Variants in FANCC observed in about 807,000 individuals in gnomAD.
FANCC encodes the protein Fanconi anemia group C protein.
A neutral mutation model predicts 71.3 loss-of-function variants in FANCC; 55 were observed. The observed-to-expected ratio is 0.77, with a 90% CI of 0.62 to 0.97. FANCC has a LOEUF of 0.97. Among genes scored for constraint, FANCC ranks in the 50% least tolerant of loss-of-function variants. The probability of loss-of-function intolerance (pLI) is 0.00; values close to 1 mark genes in which losing one functional copy is unlikely to be tolerated. For synonymous variants in FANCC, 275 were observed against 244.9 expected (o/e 1.12, Z -1.15); for missense variants, 678 against 670.9 (o/e 1.01, Z -0.12).
intron 1 of FANCC, among the ~76,000 whole-genome samples, chr9:95,269,847 CACAGAG>C (rs779591341): frequency 7.9e-5 from 12 of 152,090 alleles, no homozygotes; most frequent in Non-Finnish European, 1.2e-4. Context: ...AAGAAAAAGA[CACAGAG>C]ACAAAGTATA....
intron 6 of FANCC, among the ~76,000 whole-genome samples, chr9:95,170,560 T>C (rs544111531): frequency 6.6e-6 from 1 of 152,172 alleles, no homozygotes; most frequent in South Asian, 2.1e-4. Context: ...CTCTTTGATT[T>C]GTTTAGTCTA....
At chr9:95,314,758 T>C (rs1211170989) in intron 1 of FANCC, among the ~76,000 whole-genome samples, 1 of 152,044 alleles carries the variant, frequency 6.6e-6, no homozygotes, top group African/African-American at 2.4e-5. Flanking sequence ...AACTTCAAAA[T>C]TAATTTACAA....
chr9:95,124,519 G>A (rs952423614), intron 10 of FANCC, among the ~76,000 whole-genome samples: 2 of 152,138 alleles, frequency 1.3e-5, no homozygotes, highest in African/African-American at 4.8e-5. Context: ...TACTGACTGT[G>A]TCTAACACAC....
intron 10 of FANCC, chr9:95,123,499 T>G (rs927555810): frequency 2.1e-6 from 1 of 471,590 alleles, no homozygotes; most frequent in Non-Finnish European, 4.2e-6. Context: ...AATTAGTGCT[T>G]CCTCCAGTCC....
At chr9:95,212,485 C>T (rs913983039) in intron 4 of FANCC, among the ~76,000 whole-genome samples, 2 of 151,970 alleles carry the variant, frequency 1.3e-5, no homozygotes, top group African/African-American at 4.8e-5. Context: ...AGAAAAAAAC[C>T]TGTCGAATTA....
rs1031912559 is a variant in FANCC, at chr9:95,270,583, A to C, written c.-78-21214T>G. ...CATACTCTACTAATGCCGCATGGCA[A>C]GGCAAGGAGCAGGCAGCAGTCGCAG... On this transcript the variant is annotated intron_variant, in intron 1 of 14. Transcript: ENST00000289081. 3.3e-5 allele frequency among the ~76,000 whole-genome samples: 5 copies of C among 152,278 alleles called. No individual in the cohort carries two copies. The South Asian group carries it at 8.3e-4, about 25-fold the overall frequency.
At chr9:95,224,492 T>C (rs1348355195) in intron 4 of FANCC, among the ~76,000 whole-genome samples, 1 of 151,986 alleles carries the variant, frequency 6.6e-6, no homozygotes, top group Non-Finnish European at 1.5e-5. Flanking sequence ...TACCATCCTT[T>C]TGAAGATTGG....
chr9:95,168,023 C>T (rs1299277883), intron 6 of FANCC, among the ~76,000 whole-genome samples: 1 of 152,192 alleles, frequency 6.6e-6, no homozygotes, highest in South Asian at 2.1e-4. Flanking sequence ...AAACCTTTTC[C>T]AGGGATATAT....
intron 7 of FANCC, among the ~76,000 whole-genome samples, chr9:95,144,905 A>G (rs1829322643): frequency 6.6e-6 from 1 of 152,186 alleles, no homozygotes; most frequent in African/African-American, 2.4e-5. Context: ...AGGACCAAAC[A>G]TAACGCTCGG....
intron 2 of FANCC, among the ~76,000 whole-genome samples, chr9:95,247,877 AT>A (rs763588479): frequency 3.9e-5 from 6 of 152,256 alleles, no homozygotes; most frequent in Non-Finnish European, 8.8e-5. Flanking sequence ...TAATAACTAT[AT>A]AATCCCGTAT....
At chr9:95,280,896 A>C (rs1833348714) in intron 1 of FANCC, among the ~76,000 whole-genome samples, 1 of 152,236 alleles carries the variant, frequency 6.6e-6, no homozygotes, top group Admixed American at 6.5e-5. Flanking sequence ...AGGAGCTAAA[A>C]ACTACAATGA....
chr9:95,206,360 G>A (rs1166771057), intron 4 of FANCC, among the ~76,000 whole-genome samples: 1 of 152,104 alleles, frequency 6.6e-6, no homozygotes, highest in Non-Finnish European at 1.5e-5. Context: ...AGAGTGTGCT[G>A]GATCTCGGTA....
intron 6 of FANCC, among the ~76,000 whole-genome samples, chr9:95,161,552 T>TG (rs1260580750): frequency 6.6e-6 from 1 of 152,208 alleles, no homozygotes; most frequent in Middle Eastern, 3.2e-3. Context: ...CATAACCTAA[T>TG]GGATGTCTAA....
rs1032164941 is a variant in FANCC, at chr9:95,182,472, A to G, written c.346-10325T>C. Among the ~76,000 whole-genome samples the G allele has an allele frequency of 2.0e-5, 3 of 152,352 alleles. No homozygotes were observed. In the South Asian group the frequency reaches 6.2e-4, roughly 32 times the overall value. ...GAGGCGGAGCTTGCAGTTAGCCAAG[A>G]TCGCGCTACTGCACTCCAGCCTGGG... On this transcript the variant is annotated intron_variant, in intron 4 of 14. Transcript: ENST00000289081.
intron 1 of FANCC, among the ~76,000 whole-genome samples, chr9:95,250,825 TTCATTCTC>T (rs1831286234): frequency 6.6e-6 from 1 of 152,212 alleles, no homozygotes; most frequent in South Asian, 2.1e-4. Flanking sequence ...CCGTCTCCAA[TTCATTCTC>T]TATGCAGTAG....
intron 10 of FANCC, 132 bp downstream of exon 10, chr9:95,124,954 C>A: frequency 1.3e-6 from 1 of 778,438 alleles, no homozygotes; most frequent in Admixed American, 2.0e-5. Flanking sequence ...TGTTGGGGCA[C>A]TCATTAGGAA....
rs189311744 is a variant in FANCC at position 95,294,338 on chromosome 9, C to T, written c.-79+23188G>A. On this transcript the variant is annotated intron_variant, in intron 1 of 14. Transcript: ENST00000289081. ...ATGAACACTGAGCCAGTCTTGGAGT[C>T]ACTGGACACAGAGACTCAAACGGAC... The T allele has an allele frequency of 4.2e-5, 66 of 1,588,334 alleles. No homozygotes were observed. In the East Asian group the frequency reaches 1.4e-3, roughly 34 times the overall value.
At chr9:95,262,531 A>G (rs1832115793) in intron 1 of FANCC, among the ~76,000 whole-genome samples, 2 of 152,214 alleles carry the variant, frequency 1.3e-5, no homozygotes, top group Admixed American at 6.5e-5. Context: ...GTAGGAATGT[A>G]AAATGGCGCA....
chr9:95,196,046 G>T (rs190662065), intron 4 of FANCC, among the ~76,000 whole-genome samples: 57 of 152,250 alleles, frequency 3.7e-4, no homozygotes, highest in African/African-American at 1.3e-3. Context: ...CTATGTAAAC[G>T]ATTATATCAT....
Sources: allele counts gnomAD v4.1 joint callset (sites outside exome capture counted in the v4.1 genomes callset), GRCh38; gene constraint gnomAD v4.1.1; transcripts MANE v1.5; gene names NCBI Gene and HGNC (gene_info 2026-07-23, HGNC 2026-07-21).